KSR2: variants seen among roughly 807,000 people sequenced by gnomAD.
The protein encoded by KSR2 is kinase suppressor of ras 2.
In KSR2, 25 loss-of-function variants were observed where a neutral mutation model predicts 107.8. That is an observed-to-expected ratio of 0.23 (90% CI 0.17 to 0.32). The LOEUF is 0.32. Among genes scored for constraint, KSR2 ranks in the 10% least tolerant of loss-of-function variants. The pLI is 1.00. For synonymous variants in KSR2, 480 were observed against 507.0 expected (o/e 0.95, Z 0.71); for missense variants, 887 against 1,268.9 (o/e 0.70, Z 4.57).
intron 17 of KSR2, among the ~76,000 whole-genome samples, chr12:117,471,792 CAT>C (rs1260392608): frequency 6.6e-6 from 1 of 151,732 alleles, no homozygotes; most frequent in Non-Finnish European, 1.5e-5. Flanking sequence ...ATTTTGCTGA[CAT>C]AAAAAATGCT....
chr12:117,651,784 T>C (rs368630117), intron 5 of KSR2, among the ~76,000 whole-genome samples: 1 of 152,218 alleles, frequency 6.6e-6, no homozygotes, highest in African/African-American at 2.4e-5. Context: ...AGATATACCC[T>C]TGACCAATGT....
intron 4 of KSR2, among the ~76,000 whole-genome samples, chr12:117,713,977 C>A (rs1170710455): frequency 1.3e-5 from 2 of 152,034 alleles, no homozygotes; most frequent in Non-Finnish European, 1.5e-5. Flanking sequence ...AATTATTCCC[C>A]CAAATTATAT....
At chr12:117,939,286 T>A (rs1326495927) in intron 1 of KSR2, among the ~76,000 whole-genome samples, 1 of 152,208 alleles carries the variant, frequency 6.6e-6, no homozygotes, top group Non-Finnish European at 1.5e-5. Flanking sequence ...AATGCAATAA[T>A]GGTTTGGGAA....
At chr12:117,655,384 G>A (rs961889932) in intron 5 of KSR2, among the ~76,000 whole-genome samples, 1 of 152,212 alleles carries the variant, frequency 6.6e-6, no homozygotes, top group Non-Finnish European at 1.5e-5. Flanking sequence ...TAGAACGGTG[G>A]AATGGCCTTT....
chr12:117,968,909 T>TGCC lies in KSR2; in HGVS notation c.-655_-654insGGC. On this transcript the variant is annotated 5_prime_UTR_variant, in exon 1 of 20. Coordinates refer to ENST00000339824, the MANE Select transcript of KSR2 (RefSeq NM_173598.6). ...CTCCCCGCGCTGCTGCTGCTGCTGC[T>TGCC]GCTGCCGCCGCCGGGCTCCGGGGGT... The TGCC allele has an allele frequency of 3.9e-6, 1 of 257,692 alleles. No homozygotes were observed. Among genetic ancestry groups the TGCC allele is most frequent in the South Asian group, 3.5e-5 (1 of 28,670 alleles). 16.0% of individuals were successfully genotyped at this position (257,692 alleles called of 1,614,324 possible). A position where few individuals can be genotyped will look rare whatever the true frequency, so the allele number is the denominator to read the frequency against.
intron 4 of KSR2, among the ~76,000 whole-genome samples, chr12:117,719,141 A>C (rs1432838667): frequency 6.6e-6 from 1 of 152,218 alleles, no homozygotes; most frequent in Non-Finnish European, 1.5e-5. Flanking sequence ...GGCAACATTT[A>C]CAAAAACAGG....
intron 9 of KSR2, among the ~76,000 whole-genome samples, chr12:117,542,929 G>A (rs1427308124): frequency 6.6e-6 from 1 of 152,120 alleles, no homozygotes; most frequent in East Asian, 1.9e-4. Context: ...GGTATCGATA[G>A]TTTCTTCCTT....
In KSR2 at chr12:117,643,751, A is replaced by G. The variant is rs549954623; in HGVS notation, c.1171+23723T>C. 1.7e-3 allele frequency among the ~76,000 whole-genome samples: 263 copies of G among 152,288 alleles called. 4 individuals are homozygous for G. The South Asian group carries it at 0.035, about 20-fold the overall frequency. ...CGATTCTGGGCCCAGCCTCAGAGAC[A>G]GGGATCAGCAGGTATAAGATGGGAA... is the stretch of plus-strand genomic sequence containing the variant. On this transcript the variant is annotated intron_variant, in intron 5 of 19. Coordinates refer to ENST00000339824, the MANE Select transcript of KSR2 (RefSeq NM_173598.6).
At chr12:117,478,593 C>T (rs140482269) in intron 16 of KSR2, among the ~76,000 whole-genome samples, 1 of 151,798 alleles carries the variant, frequency 6.6e-6, no homozygotes, top group South Asian at 2.1e-4. Context: ...AGCAACCGCA[C>T]CCTGCTAATT....
chr12:117,877,352 G>C (rs778336862), intron 1 of KSR2, among the ~76,000 whole-genome samples: 3 of 151,938 alleles, frequency 2.0e-5, no homozygotes, highest in Non-Finnish European at 4.4e-5. Flanking sequence ...AAAACTTTCC[G>C]ATTATGGGAC....
At position 117,793,768 on chromosome 12, in the gene KSR2, A is replaced by T. The variant is rs1380555451; in HGVS notation, c.473-32244T>A. On this transcript the variant is annotated intron_variant, in intron 3 of 19. Transcript: ENST00000339824. ...TGCACATATACACCAACATGCACAC[A>T]TGCAACATGCACACACCAACATGCA... is the stretch of plus-strand genomic sequence containing the variant. 2.1e-5 allele frequency among the ~76,000 whole-genome samples: 3 copies of T among 144,790 alleles called. No homozygotes were observed. The East Asian group carries it at 6.4e-4, about 31-fold the overall frequency. 95.0% of individuals were successfully genotyped at this position (144,790 alleles called of 152,430 possible). A position where few individuals can be genotyped will look rare whatever the true frequency, so the allele number is the denominator to read the frequency against.
chr12:117,964,266 C>T (rs982487664), intron 1 of KSR2, among the ~76,000 whole-genome samples: 4 of 152,092 alleles, frequency 2.6e-5, no homozygotes, highest in East Asian at 1.9e-4. Flanking sequence ...AGCGAGACTC[C>T]GTTCTATCCT....
intron 1 of KSR2, among the ~76,000 whole-genome samples, chr12:117,936,527 TTATTATTAGTAGTAGTAGTAGTAGTAG>T (rs1359797899): frequency 1.7e-5 from 2 of 119,582 alleles, no homozygotes; most frequent in Non-Finnish European, 3.5e-5. Context: ...ATTATTATTA[TTATTATTAGTAGTAGTAGTAGTAGTAG>T]TAGTAGTAGT....
intron 4 of KSR2, among the ~76,000 whole-genome samples, chr12:117,744,761 T>C (rs1888343325): frequency 6.6e-6 from 1 of 152,162 alleles, no homozygotes; most frequent in African/African-American, 2.4e-5. Context: ...TAAATATCTC[T>C]TGTTTTCTCA....
intron 3 of KSR2, among the ~76,000 whole-genome samples, chr12:117,836,453 A>C: frequency 6.6e-6 from 1 of 152,214 alleles, no homozygotes; most frequent in East Asian, 1.9e-4. Flanking sequence ...AGCACAGCAA[A>C]GTCCCGCTCA....
intron 1 of KSR2, among the ~76,000 whole-genome samples, chr12:117,937,541 A>C (rs939604360): frequency 6.6e-6 from 1 of 152,098 alleles, no homozygotes; most frequent in Non-Finnish European, 1.5e-5. Context: ...TATATTAGAG[A>C]GTTTGATTCA....
chr12:117,913,425 C>G (rs943018364), intron 1 of KSR2, among the ~76,000 whole-genome samples: 1 of 152,100 alleles, frequency 6.6e-6, no homozygotes, highest in Non-Finnish European at 1.5e-5. Flanking sequence ...CCATCTCCCC[C>G]AAATTTATGT....
intron 1 of KSR2, among the ~76,000 whole-genome samples, chr12:117,881,122 C>CATG (rs1342480680): frequency 6.6e-6 from 1 of 152,052 alleles, no homozygotes; most frequent in African/African-American, 2.4e-5. Flanking sequence ...CAACAATGAA[C>CATG]ATGATGAGTT....
chr12:117,783,393 C>T (rs1889951875), intron 3 of KSR2, among the ~76,000 whole-genome samples: 2 of 152,146 alleles, frequency 1.3e-5, no homozygotes, highest in South Asian at 4.2e-4. Flanking sequence ...GGGCTTAGAT[C>T]CTGATTCACT....
Sources: allele counts gnomAD v4.1 joint callset (sites outside exome capture counted in the v4.1 genomes callset), GRCh38; gene constraint gnomAD v4.1.1; transcripts MANE v1.5; gene names NCBI Gene and HGNC (gene_info 2026-07-23, HGNC 2026-07-21).